The following DNAH17 variants were observed in gnomAD, a reference collection of about 807,000 sequenced individuals.
DNAH17 encodes the protein axonemal beta dynein heavy chain 17.
A neutral mutation model predicts 485.6 loss-of-function variants in DNAH17; 376 were observed. The ratio of observed to expected loss-of-function variants is 0.77; its 90% CI spans 0.71 to 0.84. The LOEUF (loss-of-function observed/expected upper bound fraction) is 0.84, where lower values mean the gene tolerates loss of function less well. Ranked by LOEUF, DNAH17 falls within the 40% of genes least tolerant of loss-of-function variation. The pLI is 0.00. For missense variants in DNAH17, 6,370 were observed against 5,839.3 expected, an observed-to-expected ratio of 1.09 and a Z score of -2.96; for synonymous variants, 3,031 against 2,405.9, an observed-to-expected ratio of 1.26 and a Z score of -7.60.
chr17:78,531,975 T>C (rs2091252254), intron 20 of DNAH17, among the ~76,000 whole-genome samples: 1 of 152,184 alleles, frequency 6.6e-6, no homozygotes, highest in South Asian at 2.1e-4. Context: ...CCTGGGGGTG[T>C]GGTTTCATAT....
At position 78,461,413 on chromosome 17, in the gene DNAH17, G is replaced by A. The variant is rs948832446; in HGVS notation, c.9339+131C>T. 1.2e-5 allele frequency: 12 copies of A among 1,018,170 alleles called. No homozygotes were observed. In the African/African-American group the frequency reaches 2.0e-4, roughly 17 times the overall value. The allele number at this position is 1,018,170 out of a possible 1,614,324, so 63.1% of individuals were successfully genotyped here. A position where few individuals can be genotyped will look rare whatever the true frequency, so the allele number is the denominator to read the frequency against. ...TCCTTCGGGGGTCCCACTGGTTTAGGAACCTTGTCCTTCTATGTAAGTCTC... is the reference window on the plus strand; with the variant it reads ...TCCTTCGGGGGTCCCACTGGTTTAGAAACCTTGTCCTTCTATGTAAGTCTC... On this transcript the variant is annotated intron_variant, in intron 58 of 80. Transcript: ENST00000389840.
Position 78,480,778 on chromosome 17 carries a change from C to T in DNAH17, c.7658G>A (p.Arg2553Lys), listed in dbSNP as rs993307446. 5.0e-6 allele frequency: 8 copies of T among 1,612,064 alleles called. No individual in the cohort carries two copies. The highest frequency in any genetic ancestry group is 6.8e-6 in the Non-Finnish European group (8 of 1,179,040). Residue 2553 changes from arginine (R) to lysine (K), a missense_variant, in exon 49 of 81, where the codon AGA becomes AAA. Coordinates refer to ENST00000389840, the MANE Select transcript of DNAH17 (RefSeq NM_173628.4). ...QHMDHRHWYD[R>K]HKLTLKDIHN... ...GATATCTTTTAACGTCAGCTTATGT[C>T]TGTCATACCTGAGGGGGGAAACCAG...
At chr17:78,487,669 C>T (rs534554355) in intron 44 of DNAH17, among the ~76,000 whole-genome samples, 14 of 152,114 alleles carry the variant, frequency 9.2e-5, no homozygotes, top group Non-Finnish European at 1.8e-4. Flanking sequence ...GGATCACAGG[C>T]GTGCACCATC....
chr17:78,478,856 C>T (rs1317143708), intron 51 of DNAH17, 169 bp downstream of exon 51: 2 of 610,292 alleles, frequency 3.3e-6, no homozygotes, highest in Middle Eastern at 3.3e-4. Context: ...CCATCACTAC[C>T]ACTGTCACCA....
intron 33 of DNAH17, 119 bp from the exon 34 acceptor site, chr17:78,501,992 A>G: frequency 6.9e-7 from 1 of 1,455,610 alleles, no homozygotes; most frequent in East Asian, 2.3e-5. Flanking sequence ...TACAGTAATG[A>G]AAAACAAGAG....
At chr17:78,533,924 G>A (rs1359287572) in intron 19 of DNAH17, among the ~76,000 whole-genome samples, 2 of 152,202 alleles carry the variant, frequency 1.3e-5, no homozygotes, top group Non-Finnish European at 2.9e-5. Context: ...GACCTCAGGT[G>A]ATCCACCTGC....
intron 51 of DNAH17, among the ~76,000 whole-genome samples, chr17:78,478,005 TCACCATCATCACCATCAC>T (rs1172383504): frequency 1.0e-4 from 9 of 90,188 alleles, no homozygotes; most frequent in African/African-American, 3.2e-4. Flanking sequence ...ACCACCATCA[TCACCATCATCACCATCAC>T]CACCACCATC....
chr17:78,458,875 C>T, intron 61 of DNAH17, 126 bp downstream of exon 61: 1 of 1,165,360 alleles, frequency 8.6e-7, no homozygotes, highest in South Asian at 1.3e-5. Flanking sequence ...CTGCCTGCAT[C>T]CTCTTGCACT....
At chr17:78,455,898 G>A in intron 62 of DNAH17, 62 bp from the exon 63 acceptor site, 5 of 1,372,320 alleles carry the variant, frequency 3.6e-6, no homozygotes, top group Non-Finnish European at 4.9e-6. Flanking sequence ...GACCAGACAA[G>A]CCTCCACCTC....
Position 78,449,420 on chromosome 17 carries a change from C to A in DNAH17, c.11205G>T (p.Thr3735=). The change falls in exon 69 of 81, where the codon ACG becomes ACT. Residue 3735 remains threonine (T), a synonymous_variant. Transcript: ENST00000389840. Reference sequence around the variant, plus strand: ...CAGTGAGGCTAGACATTACCTGAAACGTAACTTGTGCCAGGAAAATGAGTT... The same window carrying A: ...CAGTGAGGCTAGACATTACCTGAAAAGTAACTTGTGCCAGGAAAATGAGTT... ...RDKLIFLAQV[T]FQVLSMKKEL... is the part of the protein sequence containing the mutation. 1 of 1,549,612 alleles carries A rather than the reference C, an allele frequency of 6.5e-7. No homozygotes were observed. Among genetic ancestry groups the A allele is most frequent in the South Asian group, 1.2e-5 (1 of 84,010 alleles).
At chr17:78,451,811 T>C in intron 65 of DNAH17, 138 bp from the exon 66 acceptor site, 3 of 677,988 alleles carry the variant, frequency 4.4e-6, no homozygotes, top group Non-Finnish European at 7.4e-6. Flanking sequence ...GGAAGAGCAC[T>C]GCACCTCTCC....
At chr17:78,544,595 G>A (rs1160457882) in intron 16 of DNAH17, among the ~76,000 whole-genome samples, 2 of 152,058 alleles carry the variant, frequency 1.3e-5, no homozygotes, top group African/African-American at 2.4e-5. Context: ...GAGGTCAGGA[G>A]ATCGAGACCA....
At chr17:78,568,309 G>C (rs1315665323) in intron 9 of DNAH17, among the ~76,000 whole-genome samples, 3 of 152,038 alleles carry the variant, frequency 2.0e-5, no homozygotes, top group Non-Finnish European at 2.9e-5. Context: ...CTGCAATTTT[G>C]AACTCCTGAG....
At position 78,479,027 on chromosome 17, in the gene DNAH17, G is replaced by A. The variant is rs1357088487; in HGVS notation, c.7990C>T (p.Gln2664Ter). 2 of 1,613,484 alleles carry A rather than the reference G, an allele frequency of 1.2e-6. No homozygotes were observed. The highest frequency in any genetic ancestry group is 1.7e-6 in the Non-Finnish European group (2 of 1,179,616). The change falls in exon 51 of 81, where the codon CAG becomes TAG. Residue 2664 changes from glutamine (Q) to a stop codon, truncating the protein, a stop_gained and splice_region_variant. Coordinates refer to ENST00000389840, the MANE Select transcript of DNAH17 (RefSeq NM_173628.4). LOFTEE classifies it high-confidence loss of function. ...FNLRDLSNIF[Q>*]GLLFSTAEVL... ...ACATAAAGCTACAAGAGCAGTACCT[G>A]GAAAATATTGGAGAGGTCCCTGAGG...
intron 54 of DNAH17, among the ~76,000 whole-genome samples, chr17:78,474,436 G>C (rs1204874655): frequency 1.3e-5 from 2 of 152,216 alleles, no homozygotes. Context: ...TGTGTGTTGG[G>C]CATGGGAGAC....
chr17:78,454,979 G>A (rs2087728235), intron 63 of DNAH17, among the ~76,000 whole-genome samples: 1 of 151,806 alleles, frequency 6.6e-6, no homozygotes. Context: ...GTGTGATCTT[G>A]GCCCACCGTA....
At chr17:78,486,694 G>C (rs934859196) in intron 44 of DNAH17, among the ~76,000 whole-genome samples, 188 bp from the exon 45 acceptor site, 1 of 152,162 alleles carries the variant, frequency 6.6e-6, no homozygotes, top group Non-Finnish European at 1.5e-5. Flanking sequence ...TGAAAGGGTC[G>C]GAGGAGGATG....
In DNAH17 at chr17:78,473,877, T is replaced by C. The variant is rs780601072; in HGVS notation, c.8511+1401A>G. Among the ~76,000 whole-genome samples, 4 of 152,024 alleles carry C rather than the reference T, an allele frequency of 2.6e-5. No homozygotes were observed. The South Asian group carries it at 6.2e-4, about 24-fold the overall frequency. On this transcript the variant is annotated intron_variant, in intron 54 of 80. Transcript: ENST00000389840. ...CAAATGACACTTGAGTGGCCGCAGA[T>C]ACCAATGTGAACTAACTCCATCAGA...
intron 26 of DNAH17, among the ~76,000 whole-genome samples, chr17:78,514,495 C>G (rs1411090051): frequency 8.3e-6 from 1 of 120,292 alleles, no homozygotes; most frequent in African/African-American, 3.3e-5. Flanking sequence ...CAGAACTAGA[C>G]TCCGTCTCAA....
Sources: gnomAD v4.1 joint callset for allele counts (sites outside exome capture counted in the v4.1 genomes callset) on GRCh38, gnomAD v4.1.1 for gene constraint, MANE v1.5 for transcripts, NCBI Gene and HGNC (gene_info 2026-07-23, HGNC 2026-07-21) for gene names.